Variants in SYNJ2BP observed in about 807,000 individuals in gnomAD.
SYNJ2BP encodes the protein synaptojanin 2 binding protein, also known as synaptojanin-2-binding protein.
A neutral mutation model predicts 16.9 loss-of-function variants in SYNJ2BP; 10 were observed. That is an observed-to-expected ratio of 0.59 (90% CI 0.36 to 1.00). The LOEUF (loss-of-function observed/expected upper bound fraction) is 1.00, where lower values mean the gene tolerates loss of function less well. SYNJ2BP is among the 50% of genes least tolerant of loss of function. The pLI is 0.01. For synonymous variants in SYNJ2BP, 54 were observed against 68.4 expected, an observed-to-expected ratio of 0.79 and a Z score of 1.04; for missense variants, 162 against 186.7, an observed-to-expected ratio of 0.87 and a Z score of 0.77.
Position 70,377,450 on chromosome 14 carries a change from T to C in SYNJ2BP, c.202-1679A>G, listed in dbSNP as rs117470803. Among the ~76,000 whole-genome samples, 505 of 152,338 alleles carry C rather than the reference T, an allele frequency of 3.3e-3. 2 individuals carry two copies. The highest frequency in any genetic ancestry group is 5.8e-3 in the Non-Finnish European group (393 of 68,036). On this transcript the variant is annotated intron_variant, in intron 2 of 3. Coordinates refer to ENST00000256366, the MANE Select transcript of SYNJ2BP (RefSeq NM_018373.3). The stretch of plus-strand genomic sequence containing the variant: ...GCTTCTACTCATTTGCTGAACTCCT[T>C]AATAAACACGCAGTGATAGCTGTTC...
At chr14:70,384,171 T>C (rs1887810374) in intron 2 of SYNJ2BP, among the ~76,000 whole-genome samples, 1 of 152,188 alleles carries the variant, frequency 6.6e-6, no homozygotes, top group African/African-American at 2.4e-5. Context: ...TAGCTAATAA[T>C]AACTCTAGGA....
chr14:70,373,200 T>C, intron 3 of SYNJ2BP, 69 bp from the exon 4 acceptor site: 3 of 1,585,504 alleles, frequency 1.9e-6, no homozygotes, highest in Admixed American at 1.7e-5. Context: ...CCCAGGTTGA[T>C]ACATCACCTG....
intron 1 of SYNJ2BP, among the ~76,000 whole-genome samples, chr14:70,392,420 T>C (rs1196994012): frequency 1.3e-5 from 2 of 152,176 alleles, no homozygotes; most frequent in African/African-American, 4.8e-5. Flanking sequence ...CTTCCTTTTC[T>C]ACAAAAATAA....
chr14:70,405,396 G>A (rs1170882091), intron 1 of SYNJ2BP, among the ~76,000 whole-genome samples: 1 of 151,934 alleles, frequency 6.6e-6, no homozygotes, highest in Admixed American at 6.5e-5. Flanking sequence ...TTAGGTTGGT[G>A]CAAAAGTAAT....
chr14:70,405,242 G>T (rs1030937969), intron 1 of SYNJ2BP, among the ~76,000 whole-genome samples: 2 of 151,936 alleles, frequency 1.3e-5, no homozygotes, highest in African/African-American at 4.8e-5. Context: ...GATTTAAACA[G>T]GTTGTAGAAT....
At position 70,370,929 on chromosome 14, in the gene SYNJ2BP, T is replaced by C. The variant is rs1323859318; in HGVS notation, c.*2062A>G. The C allele has an allele frequency of 6.6e-6, 1 of 152,188 alleles. No homozygotes were observed. Among genetic ancestry groups the C allele is most frequent in the Admixed American group, 6.5e-5 (1 of 15,274 alleles). The allele number at this position is 152,188 out of a possible 1,614,324, so 9.4% of individuals were successfully genotyped here. On this transcript the variant is annotated 3_prime_UTR_variant, in exon 4 of 4. Transcript: ENST00000256366. Reference sequence around the variant, plus strand: ...CCTACCTATGTGGCCAATAAGAGTGTTGTCTTCGCAGTTGGAACCCAAAAG... The same window carrying C: ...CCTACCTATGTGGCCAATAAGAGTGCTGTCTTCGCAGTTGGAACCCAAAAG...
Position 70,402,923 on chromosome 14 carries a change from C to A in SYNJ2BP, c.64+13977G>T, listed in dbSNP as rs114587048. Among the ~76,000 whole-genome samples the A allele has an allele frequency of 9.5e-3, 1,442 of 152,268 alleles. 27 individuals carry two copies. The highest frequency in any genetic ancestry group is 0.032 in the African/African-American group (1,348 of 41,542). On this transcript the variant is annotated intron_variant, in intron 1 of 3. Transcript: ENST00000256366. The stretch of plus-strand genomic sequence containing the variant: ...CCATTTGTAAGGACATGCCCCTATA[C>A]CCAAGCAGCTAGAAATTTTTACAAT...
chr14:70,367,893 A>C lies in SYNJ2BP; in HGVS notation c.*5098T>G, dbSNP rs1357321096. 6.6e-6 allele frequency: 1 copy of C among 152,140 alleles called. No homozygotes were observed. The highest frequency in any genetic ancestry group is 1.5e-5 in the Non-Finnish European group (1 of 68,024). 9.4% of individuals were successfully genotyped at this position (152,140 alleles called of 1,614,324 possible). On this transcript the variant is annotated 3_prime_UTR_variant, in exon 4 of 4. Transcript: ENST00000256366. ...TTTCAGCTTAGAGTGACTAAGTGTT[A>C]TTTATCTCTCTATCTTCGGCACCTA...
intron 1 of SYNJ2BP, among the ~76,000 whole-genome samples, chr14:70,391,723 T>C (rs568748902): frequency 2.6e-4 from 39 of 151,850 alleles, no homozygotes; most frequent in African/African-American, 8.7e-4. Flanking sequence ...AAGCTAACTG[T>C]AGAAAAAAAA....
chr14:70,398,761 G>A (rs1282941697), intron 1 of SYNJ2BP, among the ~76,000 whole-genome samples: 3 of 152,192 alleles, frequency 2.0e-5, no homozygotes, highest in Non-Finnish European at 4.4e-5. Context: ...GCCAGCACTA[G>A]CTGTGCCTCC....
At chr14:70,403,839 C>T (rs569024503) in intron 1 of SYNJ2BP, among the ~76,000 whole-genome samples, 2 of 152,296 alleles carry the variant, frequency 1.3e-5, no homozygotes, top group African/African-American at 4.8e-5. Flanking sequence ...AGAACCCTCT[C>T]TTCGGGTCTG....
chr14:70,406,593 C>T (rs1243323741), intron 1 of SYNJ2BP, among the ~76,000 whole-genome samples: 1 of 152,184 alleles, frequency 6.6e-6, no homozygotes, highest in Non-Finnish European at 1.5e-5. Flanking sequence ...CAGGGGATAA[C>T]ATCGCGATTG....
intron 1 of SYNJ2BP, among the ~76,000 whole-genome samples, chr14:70,398,033 T>TCGG: frequency 6.6e-6 from 1 of 152,152 alleles, no homozygotes; most frequent in Admixed American, 6.5e-5. Flanking sequence ...CAATGAGTGT[T>TCGG]CAACTCTCAG....
In SYNJ2BP at chr14:70,394,458, C is replaced by CTTT. The variant is rs533858770; in HGVS notation, c.65-5855_65-5853dup. Among the ~76,000 whole-genome samples the CTTT allele has an allele frequency of 1.7e-3, 232 of 133,342 alleles. 1 individual carries two copies. The highest frequency in any genetic ancestry group is 3.7e-3 in the East Asian group (18 of 4,808). The allele number at this position is 133,342 out of a possible 152,430, so 87.5% of individuals were successfully genotyped here. ...AGGAAGAAAAAAGACTGGGATTCAA[C>CTTT]TTTTTTTTTTTTTTTTTTAGTGAAT... On this transcript the variant is annotated intron_variant, in intron 1 of 3. Coordinates refer to ENST00000256366, the MANE Select transcript of SYNJ2BP (RefSeq NM_018373.3).
At chr14:70,373,838 T>G (rs1051503775) in intron 3 of SYNJ2BP, among the ~76,000 whole-genome samples, 3 of 152,252 alleles carry the variant, frequency 2.0e-5, no homozygotes, top group Admixed American at 2.0e-4. Context: ...GTGATGGTTT[T>G]CAGGGTAGCT....
At chr14:70,390,999 G>A (rs1742949748) in intron 1 of SYNJ2BP, among the ~76,000 whole-genome samples, 3 of 152,160 alleles carry the variant, frequency 2.0e-5, no homozygotes, top group Admixed American at 6.5e-5. Flanking sequence ...GACACGCGTG[G>A]TGGCACATGA....
intron 1 of SYNJ2BP, among the ~76,000 whole-genome samples, chr14:70,393,630 A>G (rs1888025879): frequency 6.6e-6 from 1 of 152,176 alleles, no homozygotes; most frequent in Non-Finnish European, 1.5e-5. Flanking sequence ...CATAAAAAAG[A>G]ATGAGTTCAT....
At chr14:70,376,896 ATT>A (rs1887642356) in intron 2 of SYNJ2BP, among the ~76,000 whole-genome samples, 1 of 151,954 alleles carries the variant, frequency 6.6e-6, no homozygotes, top group African/African-American at 2.4e-5. Context: ...CAACTCTCTC[ATT>A]TTCCTTGTCG....
chr14:70,383,581 G>C (rs1887796579), intron 2 of SYNJ2BP, among the ~76,000 whole-genome samples: 1 of 152,162 alleles, frequency 6.6e-6, no homozygotes, highest in South Asian at 2.1e-4. Flanking sequence ...AGTATGACCA[G>C]CTACGTCACC....
Sources: allele counts gnomAD v4.1 joint callset (sites outside exome capture counted in the v4.1 genomes callset), GRCh38; gene constraint gnomAD v4.1.1; transcripts MANE v1.5; gene names NCBI Gene and HGNC (gene_info 2026-07-23, HGNC 2026-07-21).